Variants in PRIMA1 observed in about 807,000 individuals in gnomAD.
The protein encoded by PRIMA1 is proline rich membrane anchor 1.
Under a neutral mutation model 17.5 loss-of-function variants are expected in PRIMA1, and 7 were observed. The observed-to-expected ratio is 0.40, with a 90% CI of 0.23 to 0.75. The LOEUF (loss-of-function observed/expected upper bound fraction) is 0.75. Ranked by LOEUF, PRIMA1 falls within the 30% of genes least tolerant of loss-of-function variation. The probability of loss-of-function intolerance (pLI) is 0.37; values close to 1 mark genes in which losing one functional copy is unlikely to be tolerated. For synonymous variants in PRIMA1, 97 were observed against 77.9 expected, an observed-to-expected ratio of 1.25 and a Z score of -1.29; for missense variants, 200 against 201.8, an observed-to-expected ratio of 0.99 and a Z score of 0.05.
chr14:93,788,174 G>A (rs1462042480), intron 1 of PRIMA1, among the ~76,000 whole-genome samples: 1 of 152,016 alleles, frequency 6.6e-6, no homozygotes, highest in Non-Finnish European at 1.5e-5. Flanking sequence ...ACTGATCCCC[G>A]TGCACACCCA....
intron 2 of PRIMA1, among the ~76,000 whole-genome samples, chr14:93,780,085 C>T (rs1885337503): frequency 6.6e-6 from 1 of 152,248 alleles, no homozygotes; most frequent in African/African-American, 2.4e-5. Context: ...CCCCATCTCT[C>T]TGCCCTCATT....
At chr14:93,725,997 G>A (rs1473491463) in intron 4 of PRIMA1, 2 of 456,458 alleles carry the variant, frequency 4.4e-6, no homozygotes, top group African/African-American at 2.0e-5. Context: ...CTCCCTAGAT[G>A]GCATGGTTCC....
At position 93,721,493 on chromosome 14, in the gene PRIMA1, C is replaced by T. The variant is rs1401158702; in HGVS notation, c.413G>A (p.Ser138Asn). 4 of 1,614,004 alleles carry T rather than the reference C, an allele frequency of 2.5e-6. No individual in the cohort carries two copies. Among genetic ancestry groups the T allele is most frequent in the Middle Eastern group, 1.7e-4 (1 of 6,056 alleles). Residue 138 changes from serine (S) to asparagine (N), a missense_variant, in exon 5 of 5, where the codon AGT becomes AAT. Physicochemically the swap from Ser to Asn is conservative, Grantham distance 46. Transcript: ENST00000393140. ...TACTCCTTTGTTGCTCTGCGAAGCA[C>T]TCATGGGATACTCAGCAACGCTGGT... Reference protein sequence around the residue: ...NGTSVAEYPMSASQSNKGVDV... With the variant: ...NGTSVAEYPMNASQSNKGVDV...
At chr14:93,763,650 G>A (rs904808344) in intron 3 of PRIMA1, among the ~76,000 whole-genome samples, 1 of 152,202 alleles carries the variant, frequency 6.6e-6, no homozygotes, top group African/African-American at 2.4e-5. Context: ...GGGGGTGGAT[G>A]TGGGGTGGAT....
chr14:93,778,176 A>G (rs894931994), intron 3 of PRIMA1, among the ~76,000 whole-genome samples: 1 of 152,242 alleles, frequency 6.6e-6, no homozygotes, highest in South Asian at 2.1e-4. Context: ...ACTCTGGCTC[A>G]GTGGGTTTGA....
intron 3 of PRIMA1, among the ~76,000 whole-genome samples, chr14:93,741,507 T>C (rs895013494): frequency 4.6e-5 from 7 of 152,222 alleles, no homozygotes; most frequent in African/African-American, 1.7e-4. Context: ...TCCAGCAAAC[T>C]GAGCACCCTC....
In PRIMA1 at chr14:93,746,942, G is replaced by A. The variant is rs145961999; in HGVS notation, c.230-9572C>T. Among the ~76,000 whole-genome samples the A allele has an allele frequency of 1.9e-3, 286 of 152,302 alleles. 2 individuals carry two copies. The highest frequency in any genetic ancestry group is 1.5e-3 in the Non-Finnish European group (104 of 68,024). On this transcript the variant is annotated intron_variant, in intron 3 of 4. Transcript: ENST00000393140. Reference sequence around the variant, plus strand: ...CTGGGTCCGTGCAGCTTTGGGACGGGTGTGGAGGTCAGGTGTGAAGTCTGA... The same window carrying A: ...CTGGGTCCGTGCAGCTTTGGGACGGATGTGGAGGTCAGGTGTGAAGTCTGA...
chr14:93,752,792 C>T (rs922159058), intron 3 of PRIMA1, among the ~76,000 whole-genome samples: 2 of 152,200 alleles, frequency 1.3e-5, no homozygotes, highest in South Asian at 2.1e-4. Context: ...GCACTGTCAT[C>T]GAAGCCCTTT....
chr14:93,740,829 T>G lies in PRIMA1; in HGVS notation c.230-3459A>C, dbSNP rs181712744. On this transcript the variant is annotated intron_variant, in intron 3 of 4. Coordinates refer to ENST00000393140, the MANE Select transcript of PRIMA1 (RefSeq NM_178013.4). Reference sequence around the variant, plus strand: ...GGCAGAATTGTCCCTTGAAAAATACTAACAGGGCCCCTGTTGAGAAATTTC... The same window carrying G: ...GGCAGAATTGTCCCTTGAAAAATACGAACAGGGCCCCTGTTGAGAAATTTC... Among the ~76,000 whole-genome samples the G allele has an allele frequency of 1.1e-3, 165 of 152,364 alleles. 1 individual carries two copies. The highest frequency in any genetic ancestry group is 3.7e-3 in the African/African-American group (155 of 41,586).
At position 93,726,816 on chromosome 14, in the gene PRIMA1, ACAC is replaced by A. The variant is rs1169874794; in HGVS notation, c.360-5273_360-5271del. 6.6e-6 allele frequency among the ~76,000 whole-genome samples: 1 copy of A among 152,072 alleles called. No individual in the cohort carries two copies. The highest frequency in any genetic ancestry group is 2.4e-5 in the African/African-American group (1 of 41,378). ...CATACACACATGTACTTCAACACAC[ACAC>A]AATATACACATACACACATGTCCCT... On this transcript the variant is annotated intron_variant, in intron 4 of 4. Coordinates refer to ENST00000393140, the MANE Select transcript of PRIMA1 (RefSeq NM_178013.4). This position sits in a 1 kb window ranked among gnomAD's most constrained non-coding sequence, Gnocchi z 4.2.
chr14:93,738,193 G>A lies in PRIMA1; in HGVS notation c.230-823C>T, dbSNP rs373040415. Among the ~76,000 whole-genome samples, 71 of 152,326 alleles carry A rather than the reference G, an allele frequency of 4.7e-4. 1 individual carries two copies. The South Asian group carries it at 7.9e-3, about 17-fold the overall frequency. ...GGGCCCTCTCTTAGTCACTCAATCCGTGGAGTCCTTGGGGTGAACCTGTCC... is the reference window on the plus strand; with the variant it reads ...GGGCCCTCTCTTAGTCACTCAATCCATGGAGTCCTTGGGGTGAACCTGTCC... On this transcript the variant is annotated intron_variant, in intron 3 of 4. Coordinates refer to ENST00000393140, the MANE Select transcript of PRIMA1 (RefSeq NM_178013.4).
At chr14:93,754,465 TC>T (rs1296084511) in intron 3 of PRIMA1, among the ~76,000 whole-genome samples, 3 of 152,116 alleles carry the variant, frequency 2.0e-5, no homozygotes, top group African/African-American at 7.2e-5. Context: ...TGTCCTCTGG[TC>T]CCCGCCTTCT....
chr14:93,719,354 G>C lies in PRIMA1; in HGVS notation c.*2090C>G, dbSNP rs907841854. On this transcript the variant is annotated 3_prime_UTR_variant, in exon 5 of 5. Transcript: ENST00000393140. The stretch of plus-strand genomic sequence containing the variant: ...GGTAGGGAATGATGGGACCAGGCGA[G>C]TGTGCGCAAAGCTGGGCTGTGCCCA... 1.3e-5 allele frequency: 2 copies of C among 152,242 alleles called. No individual in the cohort carries two copies. Among genetic ancestry groups the C allele is most frequent in the Non-Finnish European group, 2.9e-5 (2 of 68,060 alleles). 9.4% of individuals were successfully genotyped at this position (152,242 alleles called of 1,614,324 possible). A position where few individuals can be genotyped will look rare whatever the true frequency, so the allele number is the denominator to read the frequency against.
chr14:93,730,875 G>A (rs1462714693), intron 4 of PRIMA1, among the ~76,000 whole-genome samples: 2 of 152,202 alleles, frequency 1.3e-5, no homozygotes, highest in South Asian at 4.1e-4. Flanking sequence ...TGGAGAGGGA[G>A]GGAGAGAGCT....
intron 4 of PRIMA1, among the ~76,000 whole-genome samples, chr14:93,735,596 A>C (rs2076144658): frequency 6.6e-6 from 1 of 152,060 alleles, no homozygotes; most frequent in African/African-American, 2.4e-5. Context: ...ATGCCCACCA[A>C]GCCTGGCACA....
At chr14:93,776,443 G>A (rs773642562) in intron 3 of PRIMA1, among the ~76,000 whole-genome samples, 1 of 152,010 alleles carries the variant, frequency 6.6e-6, no homozygotes, top group Non-Finnish European at 1.5e-5. Flanking sequence ...TCCCATCTCC[G>A]TAGCCCCCAG....
At chr14:93,747,299 G>A (rs949299256) in intron 3 of PRIMA1, among the ~76,000 whole-genome samples, 4 of 152,198 alleles carry the variant, frequency 2.6e-5, no homozygotes, top group African/African-American at 9.7e-5. Flanking sequence ...CAAGTACAGC[G>A]AGGCTGGGAG....
chr14:93,755,533 C>T lies in PRIMA1; in HGVS notation c.230-18163G>A, dbSNP rs865833749. Among the ~76,000 whole-genome samples the T allele has an allele frequency of 7.9e-5, 12 of 152,136 alleles. 1 individual carries two copies. The highest frequency in any genetic ancestry group is 5.9e-4 in the Admixed American group (9 of 15,276). ...GAGTAGGAATGGGGTTCTTTGTGGTCTTGGTTCATCTCACTTAGTGTGAAT... is the reference window on the plus strand; with the variant it reads ...GAGTAGGAATGGGGTTCTTTGTGGTTTTGGTTCATCTCACTTAGTGTGAAT... On this transcript the variant is annotated intron_variant, in intron 3 of 4. Transcript: ENST00000393140.
chr14:93,761,765 C>A (rs1884733331), intron 3 of PRIMA1, among the ~76,000 whole-genome samples: 1 of 152,174 alleles, frequency 6.6e-6, no homozygotes, highest in Non-Finnish European at 1.5e-5. Flanking sequence ...CAGATGTTCA[C>A]TGAGTGAATA....
Sources: gnomAD v4.1 joint callset for allele counts (sites outside exome capture counted in the v4.1 genomes callset) on GRCh38, gnomAD v4.1.1 for gene constraint, Gnocchi (gnomAD v3.1) non-coding constraint, MANE v1.5 for transcripts, NCBI Gene and HGNC (gene_info 2026-07-23, HGNC 2026-07-21) for gene names.